NR3C2: variants seen among roughly 807,000 people sequenced by gnomAD.
The protein encoded by NR3C2 is mineralocorticoid receptor.
Under a neutral mutation model 86.4 loss-of-function variants are expected in NR3C2, and 15 were observed. That is an observed-to-expected ratio of 0.17 (90% confidence interval 0.12 to 0.27). The LOEUF is 0.27. Ranked by LOEUF, NR3C2 falls within the 10% of genes least tolerant of loss-of-function variation. The pLI, the probability that NR3C2 is intolerant of heterozygous loss-of-function variation, is 1.00. For synonymous variants in NR3C2, 458 were observed against 450.5 expected, an observed-to-expected ratio of 1.02 and a Z score of -0.21; for missense variants, 960 against 1,195.6, an observed-to-expected ratio of 0.80 and a Z score of 2.91.
At chr4:148,339,674 A>G (rs975113843) in intron 2 of NR3C2, among the ~76,000 whole-genome samples, 1 of 152,200 alleles carries the variant, frequency 6.6e-6, no homozygotes, top group Non-Finnish European at 1.5e-5. Flanking sequence ...AGAGAGGAAA[A>G]AAAAGTCCTT....
intron 2 of NR3C2, among the ~76,000 whole-genome samples, chr4:148,285,063 A>T (rs2069428976): frequency 6.6e-6 from 1 of 152,294 alleles, no homozygotes; most frequent in Admixed American, 6.5e-5. Flanking sequence ...CATATGGTTC[A>T]CTTTCGGAGC....
At chr4:148,134,868 G>T (rs1023472145) in intron 6 of NR3C2, among the ~76,000 whole-genome samples, 2 of 151,366 alleles carry the variant, frequency 1.3e-5, no homozygotes, top group African/African-American at 4.9e-5. Flanking sequence ...TGTTGGCCAG[G>T]CTGGTCTCGA....
At chr4:148,204,463 A>T (rs3846305) in intron 3 of NR3C2, among the ~76,000 whole-genome samples, 108,088 of 152,072 alleles carry the variant, frequency 0.71, 38,816 homozygotes, top group African/African-American at 0.82. Context: ...CCTAATTTAA[A>T]CCTTTAAAAA....
Position 148,239,626 on chromosome 4 carries a change from C to T in NR3C2, c.1897+20352G>A, listed in dbSNP as rs1024949488. 2.0e-5 allele frequency among the ~76,000 whole-genome samples: 3 copies of T among 152,190 alleles called. No homozygotes were observed. The East Asian group carries it at 5.8e-4, about 29-fold the overall frequency. ...GAGTTGCCAGGAAGTGCCTGGAAGC[C>T]ACCAGGCCACCAGAAGGCACAGTTC... On this transcript the variant is annotated intron_variant, in intron 3 of 8. Transcript: ENST00000358102.
chr4:148,178,263 G>A (rs1735472083), intron 4 of NR3C2, among the ~76,000 whole-genome samples: 1 of 150,916 alleles, frequency 6.6e-6, no homozygotes, highest in African/African-American at 2.4e-5. Flanking sequence ...CCCGGGAGGC[G>A]GAGGTTTCAG....
intron 2 of NR3C2, among the ~76,000 whole-genome samples, chr4:148,348,692 CAGAT>C (rs1175353643): frequency 6.6e-6 from 1 of 152,118 alleles, no homozygotes; most frequent in Non-Finnish European, 1.5e-5. Flanking sequence ...GCCTGGATAA[CAGAT>C]AGCTCTCTAA....
At chr4:148,383,037 G>A (rs986150156) in intron 2 of NR3C2, among the ~76,000 whole-genome samples, 1 of 152,078 alleles carries the variant, frequency 6.6e-6, no homozygotes, top group Non-Finnish European at 1.5e-5. Flanking sequence ...TATCCTTAGT[G>A]TAAATAAGTC....
intron 6 of NR3C2, among the ~76,000 whole-genome samples, chr4:148,141,417 ATCTC>A (rs150410024): frequency 7.8e-4 from 114 of 146,704 alleles, no homozygotes; most frequent in African/African-American, 2.8e-3. Context: ...GTGAGACTCC[ATCTC>A]TCTCTCTCTC....
intron 2 of NR3C2, among the ~76,000 whole-genome samples, chr4:148,293,092 T>C (rs573918667): frequency 6.6e-6 from 1 of 152,204 alleles, no homozygotes; most frequent in East Asian, 1.9e-4. Context: ...TAAGAACATC[T>C]GAATGCATGG....
At chr4:148,129,637 C>T (rs1366717524) in intron 6 of NR3C2, among the ~76,000 whole-genome samples, 1 of 152,074 alleles carries the variant, frequency 6.6e-6, no homozygotes, top group Non-Finnish European at 1.5e-5. Context: ...GCTCTGTCAC[C>T]CAGGCTAGAG....
chr4:148,333,168 G>A (rs988338160), intron 2 of NR3C2, among the ~76,000 whole-genome samples: 29 of 152,102 alleles, frequency 1.9e-4, no homozygotes, highest in Non-Finnish European at 2.9e-5. Flanking sequence ...CTACTCACGA[G>A]GCTAAGGTGG....
intron 2 of NR3C2, among the ~76,000 whole-genome samples, chr4:148,327,171 C>T (rs937848692): frequency 2.6e-5 from 4 of 151,992 alleles, no homozygotes; most frequent in African/African-American, 9.7e-5. Context: ...TATAGCTCAA[C>T]AGGAATATAA....
At chr4:148,364,322 TA>T (rs1380267010) in intron 2 of NR3C2, among the ~76,000 whole-genome samples, 1 of 152,194 alleles carries the variant, frequency 6.6e-6, no homozygotes, top group East Asian at 1.9e-4. Flanking sequence ...CACACTGCTT[TA>T]GGGAGCACTG....
intron 3 of NR3C2, among the ~76,000 whole-genome samples, chr4:148,224,198 T>C (rs1335584366): frequency 6.6e-6 from 1 of 151,476 alleles, no homozygotes; most frequent in East Asian, 1.9e-4. Flanking sequence ...ATCCCTAATC[T>C]CAGGAAGAAG....
chr4:148,174,577 G>A (rs562739435), intron 4 of NR3C2, among the ~76,000 whole-genome samples: 25 of 152,314 alleles, frequency 1.6e-4, no homozygotes, highest in Middle Eastern at 3.4e-3. Flanking sequence ...CTGGGGCATG[G>A]AGCATGTAGG....
At chr4:148,230,482 C>T (rs527997554) in intron 3 of NR3C2, among the ~76,000 whole-genome samples, 2 of 152,320 alleles carry the variant, frequency 1.3e-5, no homozygotes, top group South Asian at 4.1e-4. Context: ...CAGGCGTGAG[C>T]CACCACACGT....
chr4:148,209,831 T>G (rs2149815554), intron 3 of NR3C2, among the ~76,000 whole-genome samples: 1 of 152,272 alleles, frequency 6.6e-6, no homozygotes, highest in East Asian at 1.9e-4. Flanking sequence ...TAAGTCTTGG[T>G]TTAATCCTAA....
intron 2 of NR3C2, among the ~76,000 whole-genome samples, chr4:148,342,574 C>T (rs1213707198): frequency 6.6e-6 from 1 of 152,130 alleles, no homozygotes; most frequent in Admixed American, 6.5e-5. Context: ...CCATAATAAG[C>T]CCCTTATGAG....
At chr4:148,282,321 T>C (rs10011581) in intron 2 of NR3C2, among the ~76,000 whole-genome samples, 80,822 of 152,088 alleles carry the variant, frequency 0.53, 23,056 homozygotes, top group African/African-American at 0.75. Context: ...TGAGCCACTG[T>C]GCCCGGCCAT....
Sources: allele counts gnomAD v4.1 joint callset (sites outside exome capture counted in the v4.1 genomes callset), GRCh38; gene constraint gnomAD v4.1.1; transcripts MANE v1.5; gene names NCBI Gene and HGNC (gene_info 2026-07-23, HGNC 2026-07-21).